The following ANKRD18A variants were observed in gnomAD, a reference collection of about 807,000 sequenced individuals.
The protein encoded by ANKRD18A is ankyrin repeat domain 18A.
Under a neutral mutation model 110.6 loss-of-function variants are expected in ANKRD18A, and 72 were observed. The observed-to-expected ratio is 0.65, with a 90% CI of 0.54 to 0.79. The LOEUF (loss-of-function observed/expected upper bound fraction) is 0.79, where lower values mean the gene tolerates loss of function less well. Ranked by LOEUF, ANKRD18A falls within the 30% of genes least tolerant of loss-of-function variation. ANKRD18A has a pLI of 0.00. For synonymous variants in ANKRD18A, 305 were observed against 410.3 expected (o/e 0.74, Z 3.10); for missense variants, 934 against 1,163.3 (o/e 0.80, Z 2.87).
chr9:38,611,385 T>A, intron 3 of ANKRD18A, 64 bp from the exon 4 acceptor site: 3 of 1,499,182 alleles, frequency 2.0e-6, no homozygotes, highest in Non-Finnish European at 2.7e-6. Context: ...GAACTAAAAA[T>A]CTTCTATAAG....
chr9:38,582,831 T>C (rs546973067), intron 12 of ANKRD18A, among the ~76,000 whole-genome samples: 1 of 152,304 alleles, frequency 6.6e-6, no homozygotes, highest in South Asian at 2.1e-4. Context: ...GACTTCAAAA[T>C]TGAAAACTGC....
In ANKRD18A at chr9:38,573,002, C is replaced by T. The variant is rs922129742; in HGVS notation, c.2965-943G>A. 8.3e-6 allele frequency: 7 copies of T among 842,414 alleles called. No individual in the cohort carries two copies. The African/African-American group carries it at 1.2e-4, about 14-fold the overall frequency. The allele number at this position is 842,414 out of a possible 1,614,324, so 52.2% of individuals were successfully genotyped here. A position where few individuals can be genotyped will look rare whatever the true frequency, so the allele number is the denominator to read the frequency against. On this transcript the variant is annotated intron_variant, in intron 15 of 15. Transcript: ENST00000399703. The stretch of plus-strand genomic sequence containing the variant: ...CTGAATATAGTATCTACTAACCCAA[C>T]AATGAAAAGGAATGCCATTTGCTAT...
In ANKRD18A at chr9:38,571,981, A is replaced by AAATT; in HGVS notation, c.*63_*64insAATT. The AAATT allele has an allele frequency of 6.4e-7, 1 of 1,551,834 alleles. No individual in the cohort carries two copies. The highest frequency in any genetic ancestry group is 8.6e-7 in the Non-Finnish European group (1 of 1,157,344). ...AACTTTTCCTTAAGATTTTATGGTTAATCTCTTCATTAGATGTGGCTTACC... is the reference window on the plus strand; with the variant it reads ...AACTTTTCCTTAAGATTTTATGGTTAAATTATCTCTTCATTAGATGTGGCTTACC... On this transcript the variant is annotated 3_prime_UTR_variant, in exon 16 of 16. Coordinates refer to ENST00000399703, the MANE Select transcript of ANKRD18A (RefSeq NM_147195.4).
intron 7 of ANKRD18A, among the ~76,000 whole-genome samples, 169 bp downstream of exon 7, chr9:38,602,990 A>C (rs1825189521): frequency 6.6e-6 from 1 of 152,214 alleles, no homozygotes; most frequent in South Asian, 2.1e-4. Flanking sequence ...CAAATGAATA[A>C]ACTGGAGCTC....
chr9:38,598,287 T>C (rs370072943), intron 8 of ANKRD18A, among the ~76,000 whole-genome samples: 2 of 152,216 alleles, frequency 1.3e-5, no homozygotes, highest in South Asian at 2.1e-4. Flanking sequence ...GGCCAAATAA[T>C]TTTCCCAGCC....
chr9:38,587,577 G>A (rs1169049851), intron 11 of ANKRD18A, among the ~76,000 whole-genome samples: 1 of 152,030 alleles, frequency 6.6e-6, no homozygotes, highest in African/African-American at 2.4e-5. Context: ...GAAAAACAAA[G>A]AAGCAGAAAC....
intron 11 of ANKRD18A, among the ~76,000 whole-genome samples, chr9:38,588,012 C>T (rs1824457806): frequency 2.0e-5 from 3 of 152,248 alleles, no homozygotes; most frequent in Admixed American, 2.0e-4. Context: ...CACTTGAACC[C>T]AGGTGGCAGA....
intron 3 of ANKRD18A, among the ~76,000 whole-genome samples, chr9:38,613,663 T>C (rs576439318): frequency 1.8e-4 from 27 of 152,336 alleles, no homozygotes; most frequent in Admixed American, 5.2e-4. Flanking sequence ...ATTCCTATTG[T>C]ATTCTCACTG....
chr9:38,592,414 C>G (rs1824690709), intron 10 of ANKRD18A, among the ~76,000 whole-genome samples: 1 of 152,134 alleles, frequency 6.6e-6, no homozygotes, highest in Admixed American at 6.5e-5. Context: ...GCAACAAGTG[C>G]TGAGATGTAA....
At chr9:38,612,647 A>G (rs1825681310) in intron 3 of ANKRD18A, among the ~76,000 whole-genome samples, 1 of 150,954 alleles carries the variant, frequency 6.6e-6, no homozygotes. Flanking sequence ...CCTCCCAAGT[A>G]GCTGGAACTA....
chr9:38,570,988 C>T, downstream of ANKRD18A: 2 of 1,000,704 alleles, frequency 2.0e-6, no homozygotes, highest in Non-Finnish European at 2.6e-6. Context: ...CAGGGCCCTT[C>T]CTGAAGAGCC....
At chr9:38,576,527 T>C (rs1349746905) in intron 14 of ANKRD18A, among the ~76,000 whole-genome samples, 1 of 152,226 alleles carries the variant, frequency 6.6e-6, no homozygotes, top group Non-Finnish European at 1.5e-5. Flanking sequence ...TGACTTTATG[T>C]AACACCTTGA....
chr9:38,590,275 T>G (rs186493279), intron 10 of ANKRD18A, among the ~76,000 whole-genome samples: 484 of 152,120 alleles, frequency 3.2e-3, no homozygotes, highest in Middle Eastern at 6.8e-3. Flanking sequence ...TTATTTTTTT[T>G]GAGATGGAGT....
At chr9:38,568,683 C>T (rs1823537706), downstream of ANKRD18A, 1 of 960,764 alleles carries the variant, frequency 1.0e-6, no homozygotes, top group South Asian at 4.8e-5. Context: ...ATGCACAGGT[C>T]CTGGGTACTG....
chr9:38,567,125 T>C (rs1324709107), downstream of ANKRD18A: 1 of 152,182 alleles, frequency 6.6e-6, no homozygotes, highest in East Asian at 1.9e-4. Flanking sequence ...CAAAAAGCAA[T>C]AAAGTAAGTG....
At chr9:38,602,160 G>A (rs1825144302) in intron 7 of ANKRD18A, among the ~76,000 whole-genome samples, 1 of 149,996 alleles carries the variant, frequency 6.7e-6, no homozygotes, top group South Asian at 2.2e-4. Flanking sequence ...TCAGGTCTTT[G>A]CATGTCTATC....
In ANKRD18A at chr9:38,575,538, C is replaced by A; in HGVS notation, c.2902G>T (p.Ala968Ser). 6.4e-7 allele frequency: 1 copy of A among 1,551,424 alleles called. No homozygotes were observed. The highest frequency in any genetic ancestry group is 8.7e-7 in the Non-Finnish European group (1 of 1,146,798). Residue 968 changes from alanine to serine, a missense_variant, in exon 15 of 16, where the codon GCC (alanine) becomes TCC (serine). By Grantham distance (99) the Ala-to-Ser change is moderately conservative. Around this residue, in one of 4 missense-constraint regions of ANKRD18A, gnomAD observed 223 missense variants for 226.7 expected, o/e 0.98. Coordinates refer to ENST00000399703, the MANE Select transcript of ANKRD18A (RefSeq NM_147195.4). ...ELNRKYIPKT[A>S]IRIPTSNPQT... is the part of the protein sequence containing the mutation. The stretch of plus-strand genomic sequence containing the variant: ...GGGTTTGAAGTAGGAATTCTTATGG[C>A]CGTTTTGGGAATATATTTTCTGTTG...
chr9:38,608,007 C>T (rs920847454), intron 5 of ANKRD18A, among the ~76,000 whole-genome samples: 8 of 152,130 alleles, frequency 5.3e-5, no homozygotes, highest in Non-Finnish European at 1.0e-4. Context: ...AGTGTTTTTC[C>T]ATAGTTTCTA....
intron 6 of ANKRD18A, 132 bp from the exon 7 acceptor site, chr9:38,603,344 C>T: frequency 7.9e-7 from 1 of 1,262,428 alleles, no homozygotes; most frequent in Non-Finnish European, 1.1e-6. Context: ...AGCTTGCACT[C>T]ATCACCACAA....
Sources: gnomAD v4.1 joint callset for allele counts (sites outside exome capture counted in the v4.1 genomes callset) on GRCh38, gnomAD v4.1.1 for gene constraint, gnomAD v4.1.1 regional missense constraint, MANE v1.5 for transcripts, NCBI Gene and HGNC (gene_info 2026-07-23, HGNC 2026-07-21) for gene names.